METTL16: variants seen among roughly 807,000 people sequenced by gnomAD.
The protein encoded by METTL16 is methyltransferase 16, RNA N6-adenosine, also known as RNA N(6)-adenosine-methyltransferase METTL16.
Under a neutral mutation model 57.9 loss-of-function variants are expected in METTL16, and 19 were observed. That is an observed-to-expected ratio of 0.33 (90% CI 0.23 to 0.48). The LOEUF (loss-of-function observed/expected upper bound fraction) is 0.48. Among genes scored for constraint, METTL16 ranks in the 20% least tolerant of loss-of-function variants. METTL16 has a pLI of 0.99. For synonymous variants in METTL16, 246 were observed against 255.6 expected, an observed-to-expected ratio of 0.96 and a Z score of 0.36; for missense variants, 434 against 691.5, an observed-to-expected ratio of 0.63 and a Z score of 4.18.
chr17:2,439,441 GA>G (rs934868380), intron 7 of METTL16, among the ~76,000 whole-genome samples: 2 of 152,052 alleles, frequency 1.3e-5, no homozygotes, highest in African/African-American at 4.8e-5. Context: ...CCTGCCTTCT[GA>G]AACAGGAGCA....
intron 6 of METTL16, among the ~76,000 whole-genome samples, chr17:2,443,652 A>T (rs970932581): frequency 1.3e-5 from 2 of 148,608 alleles, no homozygotes; most frequent in Non-Finnish European, 3.0e-5. Context: ...ACGCCCGGCT[A>T]TTTTTTTTTT....
rs1347448080 is a variant in METTL16, at chr17:2,477,806, T to C, written c.208A>G (p.Ile70Val). 4 of 1,613,932 alleles carry C rather than the reference T, an allele frequency of 2.5e-6. No homozygotes were observed. The highest frequency in any genetic ancestry group is 1.7e-4 in the Middle Eastern group (1 of 6,060). Reference protein sequence around the residue: ...LREDFGLSIDIPLERLIPTVP... With the variant: ...LREDFGLSIDVPLERLIPTVP... ...GTGGGAATTAGTCTCTCCAATGGAA[T>C]ATCAATAGAAAGTCCAAAATCTTCC... Residue 70 changes from isoleucine to valine, a missense_variant, in exon 3 of 10, where the codon ATT becomes GTT. This residue lies in a region of METTL16 where 118 missense variants were observed against 280.0 expected (regional missense o/e 0.42). Transcript: ENST00000263092.
intron 3 of METTL16, 26 bp downstream of exon 3, chr17:2,477,660 C>T (rs1374638168): frequency 1.9e-6 from 3 of 1,558,676 alleles, no homozygotes; most frequent in East Asian, 2.2e-5. Context: ...AACTGTTTAG[C>T]CAAAAAAGAA....
At chr17:2,478,422 GGATAA>G (rs1280979409) in intron 2 of METTL16, among the ~76,000 whole-genome samples, 1 of 152,104 alleles carries the variant, frequency 6.6e-6, no homozygotes, top group Admixed American at 6.5e-5. Context: ...TATGAACACA[GGATAA>G]GATACTTAAA....
chr17:2,510,650 A>G (rs16952189), intron 1 of METTL16, among the ~76,000 whole-genome samples: 2,048 of 152,200 alleles, frequency 0.013, 43 homozygotes, highest in African/African-American at 0.046. Context: ...TCAGAGTTTA[A>G]CTGGGCATCA....
At chr17:2,465,305 A>T (rs552982218) in intron 5 of METTL16, among the ~76,000 whole-genome samples, 5 of 152,022 alleles carry the variant, frequency 3.3e-5, no homozygotes, top group Admixed American at 1.3e-4. Flanking sequence ...GCACTTTAGG[A>T]GGCCGAGGCG....
At chr17:2,463,167 GA>G (rs2067162758) in intron 6 of METTL16, among the ~76,000 whole-genome samples, 1 of 152,152 alleles carries the variant, frequency 6.6e-6, no homozygotes, top group Non-Finnish European at 1.5e-5. Flanking sequence ...CTGTCACTGG[GA>G]GACTGATTCC....
At chr17:2,464,939 G>A (rs1349191540) in intron 5 of METTL16, among the ~76,000 whole-genome samples, 1 of 152,094 alleles carries the variant, frequency 6.6e-6, no homozygotes, top group Non-Finnish European at 1.5e-5. Flanking sequence ...GACTTCATCC[G>A]AATTAAAAAC....
intron 1 of METTL16, among the ~76,000 whole-genome samples, chr17:2,506,544 T>G (rs2151581864): frequency 6.6e-6 from 1 of 150,610 alleles, no homozygotes; most frequent in African/African-American, 2.4e-5. Context: ...AGCCTCGGCC[T>G]CCCAAGGTGC....
At chr17:2,491,782 G>A (rs1408837079) in intron 2 of METTL16, among the ~76,000 whole-genome samples, 1 of 148,808 alleles carries the variant, frequency 6.7e-6, no homozygotes, top group Non-Finnish European at 1.5e-5. Context: ...GGCTGAGGCA[G>A]GAGAATGGCA....
intron 2 of METTL16, among the ~76,000 whole-genome samples, chr17:2,495,184 T>C (rs879841949): frequency 2.6e-5 from 4 of 150,968 alleles, no homozygotes; most frequent in Non-Finnish European, 5.9e-5. Flanking sequence ...GACAAAAAAT[T>C]AGCTGGGTGT....
chr17:2,465,998 G>C (rs1333022862), intron 5 of METTL16, among the ~76,000 whole-genome samples: 2 of 152,024 alleles, frequency 1.3e-5, no homozygotes, highest in Non-Finnish European at 2.9e-5. Context: ...TTTGAGACCA[G>C]CCTGGCCAAC....
chr17:2,456,774 A>G (rs2067113999), intron 6 of METTL16, among the ~76,000 whole-genome samples: 1 of 151,930 alleles, frequency 6.6e-6, no homozygotes, highest in South Asian at 2.1e-4. Context: ...CGGACTGTCA[A>G]GCTACTTATT....
intron 6 of METTL16, among the ~76,000 whole-genome samples, chr17:2,451,807 G>C (rs2067072274): frequency 6.6e-6 from 1 of 152,018 alleles, no homozygotes; most frequent in Non-Finnish European, 1.5e-5. Flanking sequence ...CAACAGATTA[G>C]ATAGATCAGA....
chr17:2,486,161 G>C (rs2067339495), intron 2 of METTL16, among the ~76,000 whole-genome samples: 2 of 152,090 alleles, frequency 1.3e-5, no homozygotes, highest in Admixed American at 1.3e-4. Context: ...AGGAAGGCAG[G>C]TTCCAGATTA....
intron 3 of METTL16, among the ~76,000 whole-genome samples, chr17:2,476,869 T>C (rs1242520602): frequency 1.3e-5 from 2 of 151,916 alleles, no homozygotes; most frequent in African/African-American, 4.8e-5. Flanking sequence ...GGCAGGAGCA[T>C]TGCTTGAACC....
intron 7 of METTL16, among the ~76,000 whole-genome samples, chr17:2,440,395 C>T (rs1366225686): frequency 6.6e-5 from 10 of 151,910 alleles, no homozygotes; most frequent in Non-Finnish European, 1.0e-4. Flanking sequence ...ACTACAGGCG[C>T]GTGCCACCAT....
At chr17:2,463,206 G>A (rs1402503627) in intron 6 of METTL16, among the ~76,000 whole-genome samples, 2 of 152,122 alleles carry the variant, frequency 1.3e-5, no homozygotes, top group South Asian at 2.1e-4. Flanking sequence ...AAAGGACGAG[G>A]CAACAAATTT....
At chr17:2,422,130 G>A (rs530103874) in intron 8 of METTL16, among the ~76,000 whole-genome samples, 1 of 152,134 alleles carries the variant, frequency 6.6e-6, no homozygotes, top group Admixed American at 6.5e-5. Context: ...TGGCCCACAT[G>A]GTGAAACCCC....
Sources: gnomAD v4.1 joint callset for allele counts (sites outside exome capture counted in the v4.1 genomes callset) on GRCh38, gnomAD v4.1.1 for gene constraint, gnomAD v4.1.1 regional missense constraint, MANE v1.5 for transcripts, NCBI Gene and HGNC (gene_info 2026-07-23, HGNC 2026-07-21) for gene names.